Variants in SHANK2 observed in about 807,000 individuals in gnomAD.
The protein encoded by SHANK2 is SH3 and multiple ankyrin repeat domains protein 2.
Under a neutral mutation model 133.7 loss-of-function variants are expected in SHANK2, and 43 were observed. The observed-to-expected ratio is 0.32, with a 90% CI of 0.25 to 0.41. The LOEUF (loss-of-function observed/expected upper bound fraction) is 0.41, where lower values mean the gene tolerates loss of function less well. Ranked by LOEUF, SHANK2 falls within the 10% of genes least tolerant of loss-of-function variation. The pLI is 1.00. For missense variants in SHANK2, 1,994 were observed against 2,235.8 expected (o/e 0.89, Z 2.18); for synonymous variants, 1,017 against 952.8 (o/e 1.07, Z -1.24).
intron 14 of SHANK2, among the ~76,000 whole-genome samples, chr11:70,774,618 A>C (rs561508256): frequency 6.6e-6 from 1 of 152,144 alleles, no homozygotes; most frequent in East Asian, 1.9e-4. Flanking sequence ...CCTGGTTGGG[A>C]GTGAATTCTA....
At position 70,487,352 on chromosome 11, in the gene SHANK2, T is replaced by C. The variant is rs781870599; in HGVS notation, c.2941A>G (p.Arg981Gly). The change falls in exon 25 of 26, where the codon AGA becomes GGA. Residue 981 changes from arginine (R) to glycine (G), a missense_variant. Physicochemically the swap from Arg to Gly is moderately radical, Grantham distance 125. Transcript: ENST00000601538. This position sits in a 1 kb window ranked among gnomAD's most constrained non-coding sequence, Gnocchi z 5.8. Reference sequence around the variant, plus strand: ...TATGGGTTTTCTGGCATCTGGCCTCTCTTGTTGCGGAAGTTGGCTTGCGGG... The same window carrying C: ...TATGGGTTTTCTGGCATCTGGCCTCCCTTGTTGCGGAAGTTGGCTTGCGGG... ...AGPQANFRNK[R>G]GQMPENPYSE... The C allele has an allele frequency of 5.6e-6, 9 of 1,614,128 alleles. No individual in the cohort carries two copies. The highest frequency in any genetic ancestry group is 7.6e-6 in the Non-Finnish European group (9 of 1,180,030).
At chr11:70,597,955 A>G (rs2060423288) in intron 17 of SHANK2, among the ~76,000 whole-genome samples, 1 of 152,182 alleles carries the variant, frequency 6.6e-6, no homozygotes, top group South Asian at 2.1e-4. Flanking sequence ...CCCCTGAGAG[A>G]GGCCTTGCGG....
At chr11:70,594,730 C>T (rs558937118) in intron 17 of SHANK2, among the ~76,000 whole-genome samples, 1 of 152,248 alleles carries the variant, frequency 6.6e-6, no homozygotes, top group African/African-American at 2.4e-5. Flanking sequence ...ACTGATTATA[C>T]ACACTGAGTG....
At chr11:71,095,916 C>T (rs1302461494) in intron 6 of SHANK2, among the ~76,000 whole-genome samples, 1 of 149,042 alleles carries the variant, frequency 6.7e-6, no homozygotes, top group Non-Finnish European at 1.5e-5. Flanking sequence ...TCTTCCCCAA[C>T]TAGGATGCTG....
At chr11:70,919,214 T>C (rs143775406) in intron 10 of SHANK2, among the ~76,000 whole-genome samples, 225 of 152,218 alleles carry the variant, frequency 1.5e-3, no homozygotes, top group Admixed American at 3.0e-3. Flanking sequence ...CAATGTGCAA[T>C]GGCTAAATCG....
intron 10 of SHANK2, among the ~76,000 whole-genome samples, chr11:70,923,488 C>T (rs1486727183): frequency 6.6e-6 from 1 of 152,132 alleles, no homozygotes; most frequent in Non-Finnish European, 1.5e-5. Context: ...GTGATCCGCC[C>T]GTCTCCACCT....
intron 17 of SHANK2, among the ~76,000 whole-genome samples, chr11:70,520,017 G>T (rs1472757381): frequency 2.0e-5 from 3 of 151,694 alleles, no homozygotes; most frequent in Admixed American, 1.3e-4. Flanking sequence ...CAAAGTGTTG[G>T]GATGACAGGC....
Position 71,175,163 on chromosome 11 carries a change from G to A in SHANK2, c.-12-27825C>T, listed in dbSNP as rs1463524470. 2.0e-5 allele frequency among the ~76,000 whole-genome samples: 3 copies of A among 152,134 alleles called. No homozygotes were observed. The highest frequency in any genetic ancestry group is 4.4e-5 in the Non-Finnish European group (3 of 68,034). On this transcript the variant is annotated intron_variant, in intron 2 of 25. Coordinates refer to ENST00000601538, the MANE Select transcript of SHANK2 (RefSeq NM_012309.5). The surrounding 1 kb of genome is among the most constrained non-coding windows in gnomAD (Gnocchi z 4.2). ...CTATTTTGTGTGTCGCTCCCAGGAG[G>A]GCAAGAGACAAAACCCATCGTCTTC...
At chr11:70,509,937 G>A (rs934820044) in intron 17 of SHANK2, among the ~76,000 whole-genome samples, 6 of 152,202 alleles carry the variant, frequency 3.9e-5, no homozygotes, top group South Asian at 2.1e-4. Context: ...GTATTCTGTC[G>A]CGGCAGCCCA....
chr11:70,661,024 G>A (rs1244172957), intron 16 of SHANK2, among the ~76,000 whole-genome samples: 3 of 152,248 alleles, frequency 2.0e-5, no homozygotes, highest in Non-Finnish European at 4.4e-5. Context: ...AGCCTCCCAC[G>A]ACGGGCCACG....
chr11:70,553,737 T>C (rs1223463328), intron 17 of SHANK2, among the ~76,000 whole-genome samples: 1 of 152,260 alleles, frequency 6.6e-6, no homozygotes, highest in Non-Finnish European at 1.5e-5. Flanking sequence ...AGAGGTTTGC[T>C]TCTGCCCTGC....
intron 17 of SHANK2, among the ~76,000 whole-genome samples, chr11:70,637,662 G>C (rs532692480): frequency 1.3e-5 from 2 of 152,380 alleles, no homozygotes; most frequent in African/African-American, 4.8e-5. Flanking sequence ...GGCACTGGGA[G>C]TGAGGCTGGC....
At chr11:70,769,522 A>G (rs1483305115) in intron 14 of SHANK2, among the ~76,000 whole-genome samples, 8 of 151,988 alleles carry the variant, frequency 5.3e-5, no homozygotes, top group Non-Finnish European at 1.0e-4. Flanking sequence ...CTTGTGCTCA[A>G]CAGACGTGAT....
chr11:71,144,150 G>GA (rs1952603126), intron 3 of SHANK2, among the ~76,000 whole-genome samples: 1 of 152,186 alleles, frequency 6.6e-6, no homozygotes, highest in African/African-American at 2.4e-5. Flanking sequence ...GGGAGGGACA[G>GA]TGACAGTGTG....
At chr11:70,480,183 T>C (rs1555151171) in intron 25 of SHANK2, among the ~76,000 whole-genome samples, 1 of 152,270 alleles carries the variant, frequency 6.6e-6, no homozygotes, top group Admixed American at 6.5e-5. Flanking sequence ...CATGGTTTCA[T>C]GAGCACAGAA....
chr11:70,736,973 C>T (rs933445070), intron 14 of SHANK2, among the ~76,000 whole-genome samples: 1 of 152,174 alleles, frequency 6.6e-6, no homozygotes, highest in Non-Finnish European at 1.5e-5. Context: ...TCTAGAATCC[C>T]AGTTTCTGTG....
intron 9 of SHANK2, among the ~76,000 whole-genome samples, chr11:71,064,394 T>C (rs1294405274): frequency 1.3e-5 from 2 of 151,686 alleles, no homozygotes; most frequent in African/African-American, 2.4e-5. Flanking sequence ...AGAACCGAAG[T>C]AGAAACCGGC....
In SHANK2 at chr11:70,615,439, C is replaced by T. The variant is rs537055843; in HGVS notation, c.2061+44389G>A. Among the ~76,000 whole-genome samples, 4 of 152,210 alleles carry T rather than the reference C, an allele frequency of 2.6e-5. No individual in the cohort carries two copies. In the East Asian group the frequency reaches 7.7e-4, roughly 29 times the overall value. ...ATAGCCTGAGCTCTGTCCCAGTCTTCCCCGGAAACATGATGTCCATCAACA... is the reference window on the plus strand; with the variant it reads ...ATAGCCTGAGCTCTGTCCCAGTCTTTCCCGGAAACATGATGTCCATCAACA... On this transcript the variant is annotated intron_variant, in intron 17 of 25. Coordinates refer to ENST00000601538, the MANE Select transcript of SHANK2 (RefSeq NM_012309.5).
intron 14 of SHANK2, among the ~76,000 whole-genome samples, chr11:70,734,517 G>A (rs1946360923): frequency 6.6e-6 from 1 of 152,204 alleles, no homozygotes; most frequent in Admixed American, 6.5e-5. Context: ...GCAGAGTCCA[G>A]GAGCCCAGCG....
Sources: gnomAD v4.1 joint callset for allele counts (sites outside exome capture counted in the v4.1 genomes callset) on GRCh38, gnomAD v4.1.1 for gene constraint, Gnocchi (gnomAD v3.1) non-coding constraint, MANE v1.5 for transcripts, NCBI Gene and HGNC (gene_info 2026-07-23, HGNC 2026-07-21) for gene names.